The following MYOCOS variants were observed in gnomAD, a reference collection of about 807,000 sequenced individuals.
The protein encoded by MYOCOS is myocilin opposite strand, also known as myocilin opposite strand protein.
intron 1 of MYOCOS, 147 bp downstream of exon 1, chr1:171,622,479 A>G (rs1483384568): frequency 6.6e-6 from 1 of 152,360 alleles, no homozygotes; most frequent in African/African-American, 2.4e-5. Flanking sequence ...CTCTTTTCAA[A>G]GAGATGAAGT....
At chr1:171,616,735 T>C (rs1244308600) in intron 2 of MYOCOS, among the ~76,000 whole-genome samples, 4 of 152,152 alleles carry the variant, frequency 2.6e-5, no homozygotes, top group Non-Finnish European at 2.9e-5. Context: ...GAGAGACAGA[T>C]TGATGAATGT....
chr1:171,624,337 A>C (rs1652646544), intron 2 of MYOCOS, among the ~76,000 whole-genome samples: 1 of 151,974 alleles, frequency 6.6e-6, no homozygotes, highest in Non-Finnish European at 1.5e-5. Flanking sequence ...ATCACAGCTC[A>C]CTGTAGCCTC....
At chr1:171,614,124 T>C (rs572073763) in intron 1 of MYOCOS, among the ~76,000 whole-genome samples, 26 of 152,336 alleles carry the variant, frequency 1.7e-4, no homozygotes, top group African/African-American at 5.5e-4. Context: ...ATTTAACAAT[T>C]GTGCCATTAC....
At chr1:171,605,394 C>CAAAAAA (rs1553253256) in intron 1 of MYOCOS, among the ~76,000 whole-genome samples, 2 of 127,544 alleles carry the variant, frequency 1.6e-5, no homozygotes, top group Non-Finnish European at 3.1e-5. Flanking sequence ...CACACACACA[C>CAAAAAA]AAAAAAAAAA....
At chr1:171,610,439 C>T (rs1253967781) in intron 1 of MYOCOS, among the ~76,000 whole-genome samples, 2 of 152,172 alleles carry the variant, frequency 1.3e-5, no homozygotes, top group African/African-American at 2.4e-5. Flanking sequence ...ATACCACAGA[C>T]TGGATAATTT....
intron 1 of MYOCOS, among the ~76,000 whole-genome samples, chr1:171,607,406 C>T (rs184320397): frequency 6.6e-6 from 1 of 152,308 alleles, no homozygotes. Context: ...CTCTCTCCCA[C>T]TTCAAATTAT....
chr1:171,619,084 A>G (rs1017608772), upstream of MYOCOS, among the ~76,000 whole-genome samples: 2 of 152,220 alleles, frequency 1.3e-5, no homozygotes, highest in Non-Finnish European at 2.9e-5. Context: ...CTTCTAAAGT[A>G]TGCATTTTCT....
upstream of MYOCOS, among the ~76,000 whole-genome samples, chr1:171,617,622 A>C (rs1652474255): frequency 6.6e-6 from 1 of 152,194 alleles, no homozygotes; most frequent in African/African-American, 2.4e-5. Flanking sequence ...TGTTTTTTAA[A>C]GTGGATTTGA....
chr1:171,611,039 T>G (rs1652343427), intron 1 of MYOCOS, among the ~76,000 whole-genome samples: 1 of 152,214 alleles, frequency 6.6e-6, no homozygotes, highest in Non-Finnish European at 1.5e-5. Context: ...GCCACTTCTC[T>G]TTCCACACAA....
At chr1:171,623,243 G>A (rs569646887) in intron 1 of MYOCOS, among the ~76,000 whole-genome samples, 67 of 152,184 alleles carry the variant, frequency 4.4e-4, no homozygotes, top group Middle Eastern at 6.8e-3. Flanking sequence ...GACATCCCAA[G>A]GTGACCGGCA....
At chr1:171,603,578 T>C (rs192023955) in intron 1 of MYOCOS, among the ~76,000 whole-genome samples, 80 of 152,344 alleles carry the variant, frequency 5.3e-4, no homozygotes, top group Non-Finnish European at 9.6e-4. Flanking sequence ...AAATGTAAAT[T>C]AGATAAACTA....
At chr1:171,624,752 T>C (rs1295109578) in intron 2 of MYOCOS, among the ~76,000 whole-genome samples, 1 of 151,906 alleles carries the variant, frequency 6.6e-6, no homozygotes, top group Non-Finnish European at 1.5e-5. Context: ...CGGCCAGTTT[T>C]TTTGTATTTT....
At chr1:171,613,278 T>C (rs1376987228) in intron 1 of MYOCOS, among the ~76,000 whole-genome samples, 1 of 152,200 alleles carries the variant, frequency 6.6e-6, no homozygotes, top group East Asian at 1.9e-4. Context: ...ATGGTGACCC[T>C]AGATATTCAT....
At chr1:171,618,321 C>T (rs1295578620), upstream of MYOCOS, among the ~76,000 whole-genome samples, 1 of 152,186 alleles carries the variant, frequency 6.6e-6, no homozygotes, top group Admixed American at 6.5e-5. Flanking sequence ...TGCTGACTCT[C>T]CTTTATCTCA....
At chr1:171,613,545 C>T (rs1652389710) in intron 1 of MYOCOS, among the ~76,000 whole-genome samples, 1 of 145,696 alleles carries the variant, frequency 6.9e-6, no homozygotes, top group Non-Finnish European at 1.5e-5. Context: ...CTCTGTGATG[C>T]ATTTTTTTTT....
At chr1:171,626,046 T>G (rs1025283382) in intron 2 of MYOCOS, among the ~76,000 whole-genome samples, 2 of 101,196 alleles carry the variant, frequency 2.0e-5, no homozygotes, top group Admixed American at 2.0e-4. Flanking sequence ...TTAACTATTC[T>G]TTTTAGATGC....
upstream of MYOCOS, among the ~76,000 whole-genome samples, chr1:171,620,832 C>T (rs1011335923): frequency 7.3e-6 from 1 of 137,248 alleles, no homozygotes; most frequent in Non-Finnish European, 1.5e-5. Flanking sequence ...AGTGCAGTGG[C>T]GATCTTGGCT....
At chr1:171,616,642 G>A (rs905867092) in intron 2 of MYOCOS, among the ~76,000 whole-genome samples, 1 of 152,150 alleles carries the variant, frequency 6.6e-6, no homozygotes, top group Non-Finnish European at 1.5e-5. Context: ...TGGACATGTC[G>A]AGTTTACATG....
chr1:171,610,189 C>A (rs1008096597), intron 1 of MYOCOS, among the ~76,000 whole-genome samples: 8 of 152,220 alleles, frequency 5.3e-5, no homozygotes, highest in Admixed American at 4.6e-4. Flanking sequence ...ACTCAAGGAG[C>A]AGAGATTACA....
Sources: gnomAD v4.1 joint callset for allele counts (sites outside exome capture counted in the v4.1 genomes callset) on GRCh38, gnomAD v4.1.1 for gene constraint, MANE v1.5 for transcripts, NCBI Gene and HGNC (gene_info 2026-07-23, HGNC 2026-07-21) for gene names.